CAMTA1: variants seen among roughly 807,000 people sequenced by gnomAD.
CAMTA1 encodes the protein calmodulin-binding transcription activator 1.
CAMTA1 carries 27 observed loss-of-function variants against 170.9 expected under a neutral mutation model. That is an observed-to-expected ratio of 0.16 (90% CI 0.12 to 0.22). CAMTA1 has a LOEUF of 0.22. CAMTA1 is among the 10% of genes least tolerant of loss of function. CAMTA1 has a pLI of 1.00. For synonymous variants in CAMTA1, 833 were observed against 891.5 expected, an observed-to-expected ratio of 0.93 and a Z score of 1.17; for missense variants, 1,619 against 2,217.2, an observed-to-expected ratio of 0.73 and a Z score of 5.42.
intron 3 of CAMTA1, among the ~76,000 whole-genome samples, chr1:6,888,785 G>A (rs74051028): frequency 0.014 from 2,123 of 151,572 alleles, 46 homozygotes; most frequent in African/African-American, 0.048. Context: ...TACCAATATT[G>A]TTCTTAAAAA....
chr1:7,419,099 C>A (rs2091391882), intron 5 of CAMTA1, among the ~76,000 whole-genome samples: 1 of 152,192 alleles, frequency 6.6e-6, no homozygotes, highest in African/African-American at 2.4e-5. Flanking sequence ...GGTGGCTGAG[C>A]ACTCCTCATT....
Position 7,172,927 on chromosome 1 carries a change from T to C in CAMTA1, c.303-76564T>C, listed in dbSNP as rs139826900. ...TTGGGAGCAGCCAAGTGTTTAATGA[T>C]GTTCTGCACCAGCAATTTTAGACTC... On this transcript the variant is annotated intron_variant, in intron 4 of 22. Coordinates refer to ENST00000303635, the MANE Select transcript of CAMTA1 (RefSeq NM_015215.4). Among the ~76,000 whole-genome samples the C allele has an allele frequency of 5.8e-4, 89 of 152,316 alleles. 1 individual carries two copies. In the East Asian group the frequency reaches 0.017, roughly 29 times the overall value.
intron 5 of CAMTA1, among the ~76,000 whole-genome samples, chr1:7,276,654 T>C (rs981028150): frequency 6.6e-6 from 1 of 152,044 alleles, no homozygotes; most frequent in Admixed American, 6.5e-5. Flanking sequence ...CTTCTAAGAC[T>C]GGGAAATCAT....
intron 4 of CAMTA1, among the ~76,000 whole-genome samples, chr1:7,124,619 G>A (rs560529423): frequency 3.9e-5 from 6 of 152,340 alleles, no homozygotes; most frequent in Non-Finnish European, 8.8e-5. Flanking sequence ...GATGGGGGAT[G>A]CCCAATGGAT....
chr1:7,187,047 T>C (rs1348032439), intron 4 of CAMTA1, among the ~76,000 whole-genome samples: 1 of 151,980 alleles, frequency 6.6e-6, no homozygotes, highest in African/African-American at 2.4e-5. Context: ...CTGGAGGTGC[T>C]CACCTGTGAT....
chr1:6,890,460 G>A (rs534790706), intron 3 of CAMTA1, among the ~76,000 whole-genome samples: 1 of 152,338 alleles, frequency 6.6e-6, no homozygotes, highest in South Asian at 2.1e-4. Context: ...GACTGGCACA[G>A]CTTGGGGTGG....
chr1:7,350,070 C>A (rs779402680), intron 5 of CAMTA1, among the ~76,000 whole-genome samples: 91 of 152,132 alleles, frequency 6.0e-4, no homozygotes, highest in Non-Finnish European at 1.2e-3. Context: ...ACCTATGGAT[C>A]CTCAACTGGG....
At chr1:7,750,924 G>C (rs1350631067) in intron 19 of CAMTA1, 1 of 584,354 alleles carries the variant, frequency 1.7e-6, no homozygotes, top group Admixed American at 2.4e-5. Context: ...TAAGGGTATT[G>C]CTATTAAAAT....
intron 6 of CAMTA1, among the ~76,000 whole-genome samples, chr1:7,637,749 G>A (rs911188616): frequency 5.9e-5 from 9 of 152,202 alleles, no homozygotes; most frequent in Non-Finnish European, 1.2e-4. Flanking sequence ...CAACTTCTTA[G>A]TGCTACAGGC....
chr1:7,308,811 C>T (rs764331162), intron 5 of CAMTA1, among the ~76,000 whole-genome samples: 18 of 152,280 alleles, frequency 1.2e-4, no homozygotes, highest in South Asian at 4.1e-4. Flanking sequence ...TGTTGGGTAG[C>T]GTACTCTCAA....
intron 3 of CAMTA1, among the ~76,000 whole-genome samples, chr1:6,826,973 G>A (rs1352191196): frequency 6.6e-6 from 1 of 152,120 alleles, no homozygotes; most frequent in African/African-American, 2.4e-5. Context: ...CACCTTACTA[G>A]TATATTAGAT....
intron 3 of CAMTA1, among the ~76,000 whole-genome samples, chr1:7,088,943 T>C (rs1385449824): frequency 6.6e-6 from 1 of 152,238 alleles, no homozygotes. Context: ...CCAACAACTC[T>C]GAACGGTCAT....
chr1:7,374,729 G>A (rs2086719373), intron 5 of CAMTA1, among the ~76,000 whole-genome samples: 1 of 152,228 alleles, frequency 6.6e-6, no homozygotes. Context: ...GGAGAGTTGT[G>A]TGCGTGGAAG....
chr1:7,410,470 G>A lies in CAMTA1; in HGVS notation c.439-57360G>A, dbSNP rs146578272. Among the ~76,000 whole-genome samples the A allele has an allele frequency of 2.8e-3, 427 of 152,342 alleles. 2 individuals are homozygous for A. Among genetic ancestry groups the A allele is most frequent in the Middle Eastern group, 0.01 (3 of 294 alleles). Reference sequence around the variant, plus strand: ...GTGGAGCCCATCTGATGGCTTTTGCGTTTGAACAGGCCAGACCACAATTCC... The same window carrying A: ...GTGGAGCCCATCTGATGGCTTTTGCATTTGAACAGGCCAGACCACAATTCC... On this transcript the variant is annotated intron_variant, in intron 5 of 22. Transcript: ENST00000303635.
chr1:7,584,884 C>G (rs2095295629), intron 6 of CAMTA1, among the ~76,000 whole-genome samples: 1 of 152,156 alleles, frequency 6.6e-6, no homozygotes, highest in South Asian at 2.1e-4. Context: ...ACCGGACAGC[C>G]CCCACGGTGG....
intron 11 of CAMTA1, among the ~76,000 whole-genome samples, chr1:7,684,831 G>C (rs1040855236): frequency 6.6e-6 from 1 of 152,114 alleles, no homozygotes; most frequent in Non-Finnish European, 1.5e-5. Flanking sequence ...TAGTCCCCAG[G>C]GCATGGTCCT....
intron 6 of CAMTA1, among the ~76,000 whole-genome samples, chr1:7,490,892 G>A (rs553550156): frequency 1.3e-4 from 20 of 152,188 alleles, no homozygotes; most frequent in Non-Finnish European, 1.8e-4. Flanking sequence ...TCCAGGCTGA[G>A]GACATAACCC....
intron 1 of CAMTA1, among the ~76,000 whole-genome samples, chr1:6,790,353 AGTGT>A (rs1219826671): frequency 3.4e-5 from 5 of 147,542 alleles, no homozygotes; most frequent in Non-Finnish European, 6.0e-5. Flanking sequence ...CTGTGTGCAG[AGTGT>A]GAGAGAGAGA....
At chr1:7,394,912 C>T (rs960842769) in intron 5 of CAMTA1, among the ~76,000 whole-genome samples, 32 of 141,404 alleles carry the variant, frequency 2.3e-4, no homozygotes, top group East Asian at 6.3e-4. Flanking sequence ...GATGGAGTTT[C>T]GCTCTTCTTG....
Sources: gnomAD v4.1 joint callset for allele counts (sites outside exome capture counted in the v4.1 genomes callset) on GRCh38, gnomAD v4.1.1 for gene constraint, MANE v1.5 for transcripts, NCBI Gene and HGNC (gene_info 2026-07-23, HGNC 2026-07-21) for gene names.